IL31RA: variants seen among roughly 807,000 people sequenced by gnomAD.
The protein encoded by IL31RA is interleukin-31 receptor subunit alpha.
Under a neutral mutation model 83.7 loss-of-function variants are expected in IL31RA, and 66 were observed. That is an observed-to-expected ratio of 0.79 (90% CI 0.65 to 0.97). The LOEUF is 0.97. IL31RA is among the 50% of genes least tolerant of loss of function. The pLI, the probability that IL31RA is intolerant of heterozygous loss-of-function variation, is 0.00. For missense variants in IL31RA, 798 were observed against 919.4 expected, an observed-to-expected ratio of 0.87 and a Z score of 1.71; for synonymous variants, 325 against 329.0, an observed-to-expected ratio of 0.99 and a Z score of 0.13.
chr5:55,857,529 C>T lies in IL31RA; in HGVS notation c.64-1980C>T, dbSNP rs10940488. 5.8e-3 allele frequency among the ~76,000 whole-genome samples: 884 copies of T among 152,292 alleles called. 2 individuals are homozygous for T. Among genetic ancestry groups the T allele is most frequent in the Non-Finnish European group, 8.3e-3 (563 of 68,012 alleles). On this transcript the variant is annotated intron_variant, in intron 1 of 14. Coordinates refer to ENST00000652347, the MANE Select transcript of IL31RA (RefSeq NM_139017.7). ...CTAATGGCAAGGCTTGTTGACTTCC[C>T]ACAGTCATTAGCTCATTTCTCTTTT...
intron 11 of IL31RA, among the ~76,000 whole-genome samples, chr5:55,909,636 A>G (rs1749373048): frequency 6.6e-6 from 1 of 151,568 alleles, no homozygotes; most frequent in Non-Finnish European, 1.5e-5. Context: ...TGGTTATCTC[A>G]TTGACTTGCA....
chr5:55,887,581 A>C (rs1747696165), intron 5 of IL31RA, among the ~76,000 whole-genome samples: 1 of 152,082 alleles, frequency 6.6e-6, no homozygotes, highest in South Asian at 2.1e-4. Context: ...CTCTACGAAA[A>C]ATACAAAAAA....
At chr5:55,881,689 C>T (rs1747242048) in intron 4 of IL31RA, among the ~76,000 whole-genome samples, 1 of 139,324 alleles carries the variant, frequency 7.2e-6, no homozygotes, top group Non-Finnish European at 1.5e-5. Context: ...AATGGCCATG[C>T]TTGAGCCCAC....
chr5:55,917,275 G>C lies in IL31RA; in HGVS notation c.*155G>C. On this transcript the variant is annotated 3_prime_UTR_variant, in exon 15 of 15. Coordinates refer to ENST00000652347, the MANE Select transcript of IL31RA (RefSeq NM_139017.7). ...CTTGAGCTGCCAGTTGAACTTGGTC[G>C]GCAAAGATGCGACCTTGTACTGGGA... 1.3e-6 allele frequency: 2 copies of C among 1,554,646 alleles called. No individual in the cohort carries two copies. Among genetic ancestry groups the C allele is most frequent in the Non-Finnish European group, 1.7e-6 (2 of 1,157,396 alleles).
In IL31RA at chr5:55,916,930, A is replaced by T; in HGVS notation, c.2105A>T (p.Tyr702Phe). 6.2e-7 allele frequency: 1 copy of T among 1,613,936 alleles called. No homozygotes were observed. ...GAGATTCCGCCCAGAAAATCCCAAT[A>T]CCTACGTTCGAGGATGCCAGAGGGG... Reference protein sequence around the residue: ...SPEIPPRKSQYLRSRMPEGTR... With the variant: ...SPEIPPRKSQFLRSRMPEGTR... Residue 702 changes from tyrosine to phenylalanine, a missense_variant, in exon 15 of 15, where the codon TAC becomes TTC. Physicochemically the swap from Tyr to Phe is conservative, Grantham distance 22. Transcript: ENST00000652347.
intron 4 of IL31RA, among the ~76,000 whole-genome samples, chr5:55,880,090 G>A (rs1255208460): frequency 1.3e-5 from 2 of 152,016 alleles, no homozygotes; most frequent in African/African-American, 2.4e-5. Context: ...ATAAATGTTA[G>A]GTGGTTGAGA....
intron 8 of IL31RA, among the ~76,000 whole-genome samples, chr5:55,905,262 C>A (rs375836349): frequency 6.6e-6 from 1 of 151,560 alleles, no homozygotes; most frequent in African/African-American, 2.4e-5. Flanking sequence ...CCCATGGATT[C>A]GAGTTTTGCA....
At chr5:55,884,596 G>A (rs1165254178) in intron 5 of IL31RA, among the ~76,000 whole-genome samples, 4 of 152,058 alleles carry the variant, frequency 2.6e-5, no homozygotes, top group Non-Finnish European at 4.4e-5. Context: ...CACCATGCCT[G>A]GCTGATTTTT....
intron 6 of IL31RA, 24 bp from the exon 7 acceptor site, chr5:55,896,326 G>C: frequency 6.5e-7 from 1 of 1,541,064 alleles, no homozygotes; most frequent in Non-Finnish European, 9.0e-7. Context: ...TCTGGGTTGA[G>C]TACCTCATTC....
In IL31RA at chr5:55,900,131, A is replaced by G; in HGVS notation, c.1068A>G (p.Lys356=). 6.2e-7 allele frequency: 1 copy of G among 1,604,992 alleles called. No homozygotes were observed. Among genetic ancestry groups the G allele is most frequent in the Non-Finnish European group, 8.5e-7 (1 of 1,171,668 alleles). ...ATLRIPAIQE[K]SFQCIEVMQA... ...TGAGGATTCCAGCTATTCAAGAAAA[A>G]TGTAAGTAGAGCATCAACTTCTTCC... Residue 356 remains lysine, a splice_region_variant and synonymous_variant, in exon 8 of 15, where the codon AAA becomes AAG. Transcript: ENST00000652347.
At chr5:55,858,175 C>T (rs1745466129) in intron 1 of IL31RA, among the ~76,000 whole-genome samples, 2 of 151,830 alleles carry the variant, frequency 1.3e-5, no homozygotes, top group South Asian at 2.1e-4. Context: ...AATGCAAAAC[C>T]GCTTGTCAGA....
intron 14 of IL31RA, among the ~76,000 whole-genome samples, chr5:55,915,193 G>A (rs79241378): frequency 0.051 from 7,724 of 152,258 alleles, 403 homozygotes; most frequent in African/African-American, 0.13. Flanking sequence ...TCCCATAAAG[G>A]ATGCTGCAGA....
intron 6 of IL31RA, among the ~76,000 whole-genome samples, chr5:55,892,482 G>A (rs1294450761): frequency 6.6e-6 from 1 of 152,206 alleles, no homozygotes; most frequent in African/African-American, 2.4e-5. Context: ...ATTAACAGAT[G>A]TTTGGTGCAT....
chr5:55,900,101 C>T lies in IL31RA; in HGVS notation c.1038C>T (p.Ala346=), dbSNP rs757950102. The T allele has an allele frequency of 1.2e-6, 2 of 1,613,832 alleles. No individual in the cohort carries two copies. The highest frequency in any genetic ancestry group is 1.7e-5 in the Admixed American group (1 of 60,022). ...ATTCTCTTGGGAAGTCTCCAGTGGC[C>T]ACCCTGAGGATTCCAGCTATTCAAG... ...SYNSLGKSPV[A]TLRIPAIQEK... Residue 346 remains alanine (A), a synonymous_variant, in exon 8 of 15, where the codon GCC becomes GCT. Coordinates refer to ENST00000652347, the MANE Select transcript of IL31RA (RefSeq NM_139017.7).
At chr5:55,909,123 A>T (rs1053997752) in intron 11 of IL31RA, 20 of 156,296 alleles carry the variant, frequency 1.3e-4, no homozygotes, top group African/African-American at 4.8e-4. Context: ...TGGATATTTC[A>T]TATACATAGA....
chr5:55,845,938 C>T, the IL31RA span, among the ~76,000 whole-genome samples: 10 of 152,144 alleles, frequency 6.6e-5, no homozygotes, highest in South Asian at 2.1e-4. Flanking sequence ...GGTTCTTATA[C>T]GAGCTCCTGT....
At chr5:55,874,731 C>T (rs1050524278) in intron 4 of IL31RA, among the ~76,000 whole-genome samples, 2 of 152,102 alleles carry the variant, frequency 1.3e-5, no homozygotes, top group African/African-American at 4.8e-5. Context: ...TGGTAATTGG[C>T]AACCTTGTTG....
Position 55,908,366 on chromosome 5 carries a change from T to A in IL31RA, c.1456T>A (p.Cys486Ser). 6.2e-7 allele frequency: 1 copy of A among 1,614,224 alleles called. No homozygotes were observed. Among genetic ancestry groups the A allele is most frequent in the Non-Finnish European group, 8.5e-7 (1 of 1,180,044 alleles). Residue 486 changes from cysteine to serine, a missense_variant, in exon 11 of 15, where the codon TGC becomes AGC. Physicochemically the swap from Cys to Ser is moderately radical, Grantham distance 112. Transcript: ENST00000652347. ...IPKSERKGII[C>S]NYTIFYQAEG... ...CAAGAGTGAGAGAAAGGGTATCATCTGCAACTACACCATCTTTTACCAAGC... is the reference window on the plus strand; with the variant it reads ...CAAGAGTGAGAGAAAGGGTATCATCAGCAACTACACCATCTTTTACCAAGC...
chr5:55,850,954 G>A (rs1397817295), upstream of IL31RA, among the ~76,000 whole-genome samples: 1 of 152,134 alleles, frequency 6.6e-6, no homozygotes, highest in Non-Finnish European at 1.5e-5. Flanking sequence ...GCTGGGCTTG[G>A]TGGCGCATGC....
Sources: allele counts gnomAD v4.1 joint callset (sites outside exome capture counted in the v4.1 genomes callset), GRCh38; gene constraint gnomAD v4.1.1; transcripts MANE v1.5; gene names NCBI Gene and HGNC (gene_info 2026-07-23, HGNC 2026-07-21).